The following CNTNAP2 variants were observed in gnomAD, a reference collection of about 807,000 sequenced individuals.
The protein encoded by CNTNAP2 is contactin-associated protein-like 2.
In CNTNAP2, 98 loss-of-function variants were observed where a neutral mutation model predicts 155.2. The ratio of observed to expected loss-of-function variants is 0.63; its 90% CI spans 0.54 to 0.75. The LOEUF (loss-of-function observed/expected upper bound fraction) is 0.75, where lower values mean the gene tolerates loss of function less well. CNTNAP2 is among the 30% of genes least tolerant of loss of function. The pLI, the probability that CNTNAP2 is intolerant of heterozygous loss-of-function variation, is 0.00. For missense variants in CNTNAP2, 1,727 were observed against 1,688.1 expected, an observed-to-expected ratio of 1.02 and a Z score of -0.40; for synonymous variants, 651 against 631.2, an observed-to-expected ratio of 1.03 and a Z score of -0.47.
At chr7:146,910,531 C>G (rs1796250064) in intron 3 of CNTNAP2, among the ~76,000 whole-genome samples, 1 of 151,126 alleles carries the variant, frequency 6.6e-6, no homozygotes, top group Admixed American at 6.6e-5. Context: ...CTTTGACAAA[C>G]CTGAGAAAAA....
intron 22 of CNTNAP2, among the ~76,000 whole-genome samples, chr7:148,387,143 G>A (rs892504197): frequency 6.6e-6 from 1 of 152,230 alleles, no homozygotes; most frequent in East Asian, 1.9e-4. Flanking sequence ...GTCAGATAAA[G>A]GAAGCACCAA....
chr7:147,349,903 C>T (rs1173256927), intron 9 of CNTNAP2, among the ~76,000 whole-genome samples: 2 of 151,956 alleles, frequency 1.3e-5, no homozygotes, highest in Non-Finnish European at 2.9e-5. Context: ...CTGTCTACAA[C>T]ACCATTTTGT....
intron 5 of CNTNAP2, among the ~76,000 whole-genome samples, chr7:147,110,682 A>G (rs1247278656): frequency 4.6e-5 from 7 of 152,058 alleles, no homozygotes; most frequent in African/African-American, 1.7e-4. Flanking sequence ...AGCTCCATCC[A>G]TGTGCCCGCA....
chr7:146,911,221 G>T (rs976383152), intron 3 of CNTNAP2, among the ~76,000 whole-genome samples: 175 of 152,202 alleles, frequency 1.1e-3, no homozygotes, highest in African/African-American at 3.3e-3. Context: ...CTGTAAACTA[G>T]TTCAACCCTT....
intron 3 of CNTNAP2, among the ~76,000 whole-genome samples, chr7:146,850,058 TGTC>T (rs1794845482): frequency 6.6e-6 from 1 of 152,196 alleles, no homozygotes; most frequent in Admixed American, 6.5e-5. Context: ...AATGTTAAAA[TGTC>T]TTGGCAAATA....
At chr7:146,642,484 G>A (rs1310891569) in intron 1 of CNTNAP2, among the ~76,000 whole-genome samples, 1 of 151,778 alleles carries the variant, frequency 6.6e-6, no homozygotes, top group Non-Finnish European at 1.5e-5. Context: ...CAAAGGACAT[G>A]AACTCATCAT....
At chr7:148,076,208 G>T (rs182457521) in intron 15 of CNTNAP2, among the ~76,000 whole-genome samples, 171 of 152,214 alleles carry the variant, frequency 1.1e-3, no homozygotes, top group Middle Eastern at 6.8e-3. Flanking sequence ...TAGTTCTCAG[G>T]AGGGTGACTT....
At chr7:146,301,420 C>T (rs573771755) in intron 1 of CNTNAP2, among the ~76,000 whole-genome samples, 1 of 151,898 alleles carries the variant, frequency 6.6e-6, no homozygotes, top group South Asian at 2.1e-4. Context: ...GTCAGGAGAT[C>T]GAGACCATCA....
chr7:147,296,459 T>C (rs772033611), intron 8 of CNTNAP2, among the ~76,000 whole-genome samples: 6 of 152,218 alleles, frequency 3.9e-5, no homozygotes, highest in Admixed American at 6.5e-5. Context: ...AGAGTAATTT[T>C]ATAGTACAAG....
chr7:146,903,884 A>G (rs1796059610), intron 3 of CNTNAP2, among the ~76,000 whole-genome samples: 1 of 152,198 alleles, frequency 6.6e-6, no homozygotes, highest in Admixed American at 6.5e-5. Flanking sequence ...CACCCCATTA[A>G]AAAAGATAAA....
chr7:147,124,406 C>T (rs992977730), intron 6 of CNTNAP2, among the ~76,000 whole-genome samples: 1 of 152,156 alleles, frequency 6.6e-6, no homozygotes, highest in Non-Finnish European at 1.5e-5. Flanking sequence ...AACCAGCTCT[C>T]TCCAGGGAGG....
chr7:146,417,548 C>G (rs1347555905), intron 1 of CNTNAP2, among the ~76,000 whole-genome samples: 1 of 152,148 alleles, frequency 6.6e-6, no homozygotes, highest in Non-Finnish European at 1.5e-5. Flanking sequence ...AGACTGTTTA[C>G]TTACCATTGG....
chr7:146,345,454 A>G (rs1268888807), intron 1 of CNTNAP2, among the ~76,000 whole-genome samples: 2 of 152,144 alleles, frequency 1.3e-5, no homozygotes, highest in Non-Finnish European at 2.9e-5. Flanking sequence ...TTCAATCTCA[A>G]TACGCCACTC....
In CNTNAP2 at chr7:146,225,225, A is replaced by C. The variant is rs558496770; in HGVS notation, c.97+108252A>C. 2.6e-5 allele frequency among the ~76,000 whole-genome samples: 4 copies of C among 152,218 alleles called. No individual in the cohort carries two copies. In the East Asian group the frequency reaches 7.7e-4, roughly 29 times the overall value. Reference sequence around the variant, plus strand: ...AAAAATATAACTCGAAACACTGATGAGTAGTAGTTTTTGAAAGTGAATTCA... The same window carrying C: ...AAAAATATAACTCGAAACACTGATGCGTAGTAGTTTTTGAAAGTGAATTCA... On this transcript the variant is annotated intron_variant, in intron 1 of 23. Coordinates refer to ENST00000361727, the MANE Select transcript of CNTNAP2 (RefSeq NM_014141.6).
At chr7:146,620,334 A>G (rs545269689) in intron 1 of CNTNAP2, among the ~76,000 whole-genome samples, 9 of 152,174 alleles carry the variant, frequency 5.9e-5, no homozygotes, top group Non-Finnish European at 1.3e-4. Flanking sequence ...CTGCTAGTTG[A>G]TCCAAAAAGT....
intron 1 of CNTNAP2, among the ~76,000 whole-genome samples, chr7:146,462,591 T>C (rs1796653983): frequency 6.6e-6 from 1 of 152,216 alleles, no homozygotes; most frequent in Non-Finnish European, 1.5e-5. Context: ...ACTCCATTAG[T>C]ACGTTTTGTT....
Position 147,132,368 on chromosome 7 carries a change from A to G in CNTNAP2, c.1207A>G (p.Thr403Ala), listed in dbSNP as rs1159171537. 5 of 1,613,556 alleles carry G rather than the reference A, an allele frequency of 3.1e-6. No individual in the cohort carries two copies. Among genetic ancestry groups the G allele is most frequent in the Admixed American group, 3.3e-5 (2 of 59,880 alleles). Residue 403 changes from threonine (T) to alanine (A), a missense_variant, in exon 8 of 24, where the codon ACA becomes GCA. By Grantham distance (58) the Thr-to-Ala change is moderately conservative. Coordinates refer to ENST00000361727, the MANE Select transcript of CNTNAP2 (RefSeq NM_014141.6). ...GTTCTCAGTCAGTTTCCAGTTTAGG[A>G]CATGGAACCCCAATGGTCTCCTGGT... Reference protein sequence around the residue: ...DLFSVSFQFRTWNPNGLLVFS... With the variant: ...DLFSVSFQFRAWNPNGLLVFS...
chr7:147,602,476 C>T (rs992755893), intron 12 of CNTNAP2, among the ~76,000 whole-genome samples: 47 of 139,276 alleles, frequency 3.4e-4, no homozygotes, highest in Non-Finnish European at 4.9e-4. Context: ...TTACATTCAT[C>T]AGTTCATCCT....
intron 8 of CNTNAP2, among the ~76,000 whole-genome samples, chr7:147,255,040 G>A (rs988363588): frequency 6.6e-5 from 10 of 152,096 alleles, no homozygotes; most frequent in Non-Finnish European, 1.2e-4. Context: ...TTATGATGGG[G>A]AAAAAACCTG....
Sources: gnomAD v4.1 joint callset for allele counts (sites outside exome capture counted in the v4.1 genomes callset) on GRCh38, gnomAD v4.1.1 for gene constraint, MANE v1.5 for transcripts, NCBI Gene and HGNC (gene_info 2026-07-23, HGNC 2026-07-21) for gene names.